The following VWA5B2 variants were observed in gnomAD, a reference collection of about 807,000 sequenced individuals.
The protein encoded by VWA5B2 is von Willebrand factor A domain containing 5B2, also known as von Willebrand factor A domain-containing protein 5B2.
VWA5B2 carries 93 observed loss-of-function variants against 118.5 expected under a neutral mutation model. The observed-to-expected ratio is 0.79, with a 90% CI of 0.66 to 0.93. VWA5B2 has a LOEUF of 0.93. Among genes scored for constraint, VWA5B2 ranks in the 40% least tolerant of loss-of-function variants. VWA5B2 has a pLI of 0.00. For missense variants in VWA5B2, 1,546 were observed against 1,672.8 expected (o/e 0.92, Z 1.32); for synonymous variants, 708 against 716.3 (o/e 0.99, Z 0.19).
chr3:184,233,808 G>A lies in VWA5B2; in HGVS notation c.688+75G>A, dbSNP rs1717669030. The A allele has an allele frequency of 6.6e-7, 1 of 1,518,582 alleles. No homozygotes were observed. Among genetic ancestry groups the A allele is most frequent in the South Asian group, 1.3e-5 (1 of 78,868 alleles). The allele number at this position is 1,518,582 out of a possible 1,614,324, so 94.1% of individuals were successfully genotyped here. On this transcript the variant is annotated intron_variant, in intron 5 of 19. Transcript: ENST00000691901. This position sits in a 1 kb window ranked among gnomAD's most constrained non-coding sequence, Gnocchi z 5.2. ...AGTGTAGTGACTGGAAGGGAAATAA[G>A]GCTCAGGGATAGGAGGGACACAGGA...
Position 184,236,340 on chromosome 3 carries a change from C to T in VWA5B2, c.1213-3C>T, listed in dbSNP as rs1560153662. The stretch of plus-strand genomic sequence containing the variant: ...CGTCCCAGCCTGTGCCTTCTCGCTC[C>T]AGGATGCTGTGCAGCTGATCTGCGA... On this transcript the variant is annotated splice_region_variant and splice_polypyrimidine_tract_variant and intron_variant, in intron 9 of 19. Coordinates refer to ENST00000691901, the MANE Select transcript of VWA5B2 (RefSeq NM_001390846.1). 1.3e-6 allele frequency: 2 copies of T among 1,548,540 alleles called. No homozygotes were observed. The highest frequency in any genetic ancestry group is 1.2e-5 in the South Asian group (1 of 83,990).
Position 184,230,485 on chromosome 3 carries a change from C to A in VWA5B2, c.-44C>A, listed in dbSNP as rs1717265798. 6 of 1,405,552 alleles carry A rather than the reference C, an allele frequency of 4.3e-6. No individual in the cohort carries two copies. Among genetic ancestry groups the A allele is most frequent in the Non-Finnish European group, 5.5e-6 (6 of 1,090,400 alleles). 87.1% of individuals were successfully genotyped at this position (1,405,552 alleles called of 1,614,324 possible). On this transcript the variant is annotated 5_prime_UTR_variant, in exon 2 of 20. Transcript: ENST00000691901. ...GGGTGGGCGTCCCGTCACCCTGCGC[C>A]CAGCTTCCCCGGCCCGTTCCCGCAG...
chr3:184,241,708 C>T lies in VWA5B2; in HGVS notation c.3399C>T (p.Gly1133=). The change falls in exon 20 of 20, where the codon GGC becomes GGT. Residue 1133 remains glycine (G), a synonymous_variant. Coordinates refer to ENST00000691901, the MANE Select transcript of VWA5B2 (RefSeq NM_001390846.1). This position sits in a 1 kb window ranked among gnomAD's most constrained non-coding sequence, Gnocchi z 5.1. ...TASCSPSPSS[G]SEGPGQVDSG... is the part of the protein sequence containing the mutation. ...CCTGCAGCCCGTCCCCCAGCTCGGGCTCTGAGGGGCCAGGCCAGGTGGACA... is the reference window on the plus strand; with the variant it reads ...CCTGCAGCCCGTCCCCCAGCTCGGGTTCTGAGGGGCCAGGCCAGGTGGACA... The T allele has an allele frequency of 6.6e-7, 1 of 1,509,086 alleles. No individual in the cohort carries two copies. Among genetic ancestry groups the T allele is most frequent in the South Asian group, 1.2e-5 (1 of 80,312 alleles). The allele number at this position is 1,509,086 out of a possible 1,614,324, so 93.5% of individuals were successfully genotyped here.
intron 7 of VWA5B2, 68 bp from the exon 8 acceptor site, chr3:184,235,085 C>T (rs915057655): frequency 3.5e-5 from 53 of 1,508,884 alleles, no homozygotes; most frequent in Non-Finnish European, 3.8e-5. Flanking sequence ...CAGAGCCAGT[C>T]CCACTGCCCA....
chr3:184,236,796 C>T (rs1405672275), intron 11 of VWA5B2, 47 bp downstream of exon 11: 2 of 1,423,278 alleles, frequency 1.4e-6, no homozygotes, highest in African/African-American at 1.4e-5. Flanking sequence ...AAGTTTTTCT[C>T]CCAAGTTACA....
At position 184,239,179 on chromosome 3, in the gene VWA5B2, A is replaced by G. The variant is rs1028310674; in HGVS notation, c.2203-215A>G. On this transcript the variant is annotated intron_variant, in intron 14 of 19. Coordinates refer to ENST00000691901, the MANE Select transcript of VWA5B2 (RefSeq NM_001390846.1). This position sits in a 1 kb window ranked among gnomAD's most constrained non-coding sequence, Gnocchi z 5.1. ...AACGAAAATACAGAGACAAGCAACA[A>G]CCACAAGTGGGAAATAGGGAGTGGA... Among the ~76,000 whole-genome samples, 4 of 152,168 alleles carry G rather than the reference A, an allele frequency of 2.6e-5. No individual in the cohort carries two copies. The highest frequency in any genetic ancestry group is 9.7e-5 in the African/African-American group (4 of 41,448).
chr3:184,235,407 T>A lies in VWA5B2; in HGVS notation c.1101+99T>A, dbSNP rs1414683398. 3.8e-6 allele frequency: 5 copies of A among 1,333,146 alleles called. No individual in the cohort carries two copies. The African/African-American group carries it at 7.3e-5, about 20-fold the overall frequency. 82.6% of individuals were successfully genotyped at this position (1,333,146 alleles called of 1,614,324 possible). On this transcript the variant is annotated intron_variant, in intron 8 of 19. Coordinates refer to ENST00000691901, the MANE Select transcript of VWA5B2 (RefSeq NM_001390846.1). ...CTCTTGAAGCCAGGAGTTACCTTGT[T>A]GCTTCAAACACCATCTTCCAAAGAG... is the stretch of plus-strand genomic sequence containing the variant.
intron 7 of VWA5B2, 107 bp from the exon 8 acceptor site, chr3:184,235,046 C>T: frequency 1.5e-6 from 2 of 1,368,064 alleles, no homozygotes; most frequent in South Asian, 1.4e-5. Context: ...AAGATGTCCC[C>T]TCTGGGTGGA....
chr3:184,237,091 A>T lies in VWA5B2; in HGVS notation c.1534-135A>T. The T allele has an allele frequency of 1.0e-6, 1 of 977,484 alleles. No individual in the cohort carries two copies. The highest frequency in any genetic ancestry group is 1.5e-6 in the Non-Finnish European group (1 of 670,178). The allele number at this position is 977,484 out of a possible 1,614,324, so 60.6% of individuals were successfully genotyped here. A position where few individuals can be genotyped will look rare whatever the true frequency, so the allele number is the denominator to read the frequency against. ...GCTCCTACCCTCATTCCTTCTCCTG[A>T]CCCCAGCCTGGCCCTGTGCCCCATC... On this transcript the variant is annotated intron_variant, in intron 11 of 19. Coordinates refer to ENST00000691901, the MANE Select transcript of VWA5B2 (RefSeq NM_001390846.1). The surrounding 1 kb of genome is among the most constrained non-coding windows in gnomAD (Gnocchi z 5.6).
Position 184,233,708 on chromosome 3 carries a change from G to A in VWA5B2, c.663G>A (p.Leu221=), listed in dbSNP as rs1037076928. 2.6e-6 allele frequency: 4 copies of A among 1,550,842 alleles called. No homozygotes were observed. Among genetic ancestry groups the A allele is most frequent in the Non-Finnish European group, 3.5e-6 (4 of 1,146,998 alleles). ...CATATACCTTCTCCTTCGAGATGCTGGTGACTGGGCCATGCCTGCTTGCAG... is the reference window on the plus strand; with the variant it reads ...CATATACCTTCTCCTTCGAGATGCTAGTGACTGGGCCATGCCTGCTTGCAG... ...PAPYTFSFEM[L]VTGPCLLAGL... Residue 221 remains leucine, a synonymous_variant, in exon 5 of 20, where the codon CTG becomes CTA. Coordinates refer to ENST00000691901, the MANE Select transcript of VWA5B2 (RefSeq NM_001390846.1). This position sits in a 1 kb window ranked among gnomAD's most constrained non-coding sequence, Gnocchi z 5.2.
At chr3:184,231,992 T>C (rs567916400) in intron 3 of VWA5B2, among the ~76,000 whole-genome samples, 3 of 152,312 alleles carry the variant, frequency 2.0e-5, no homozygotes, top group Admixed American at 1.3e-4. Flanking sequence ...GGCAACAGTA[T>C]AAGCAAATGC....
At position 184,239,582 on chromosome 3, in the gene VWA5B2, A is replaced by G; in HGVS notation, c.2391A>G (p.Ser797=). 9 of 1,513,864 alleles carry G rather than the reference A, an allele frequency of 5.9e-6. No homozygotes were observed. The highest frequency in any genetic ancestry group is 1.7e-4 in the Middle Eastern group (1 of 5,822). The allele number at this position is 1,513,864 out of a possible 1,614,324, so 93.8% of individuals were successfully genotyped here. The part of the protein sequence containing the change: ...GQQLGQGLDD[S]GNLLSPAPMD... ...AGTTGGGACAAGGCCTGGATGACTC[A>G]GGTAAGTGTTGGATGGGGAGCTGGT... Residue 797 remains serine, a splice_region_variant and synonymous_variant, in exon 15 of 20, where the codon TCA becomes TCG. Coordinates refer to ENST00000691901, the MANE Select transcript of VWA5B2 (RefSeq NM_001390846.1). The surrounding 1 kb of genome is among the most constrained non-coding windows in gnomAD (Gnocchi z 5.1).
chr3:184,231,903 C>G (rs942735024), intron 3 of VWA5B2, among the ~76,000 whole-genome samples: 1 of 152,124 alleles, frequency 6.6e-6, no homozygotes, highest in African/African-American at 2.4e-5. Flanking sequence ...TGGGCTGAGG[C>G]CCCAGGAATG....
Position 184,230,565 on chromosome 3 carries a change from C to A in VWA5B2, c.37C>A (p.Leu13Met). 1 of 1,480,216 alleles carries A rather than the reference C, an allele frequency of 6.8e-7. No homozygotes were observed. Among genetic ancestry groups the A allele is most frequent in the Non-Finnish European group, 8.9e-7 (1 of 1,123,426 alleles). 91.7% of individuals were successfully genotyped at this position (1,480,216 alleles called of 1,614,324 possible). ...GLYCPSSWTP[L>M]PLTDSWVRAC... ...GTACTGCCCCTCCAGCTGGACGCCG[C>A]TGCCGCTCACGGACTCCTGGGTCCG... The change falls in exon 2 of 20, where the codon CTG becomes ATG. Residue 13 changes from leucine (L) to methionine (M), a missense_variant. By Grantham distance (15) the Leu-to-Met change is conservative. Coordinates refer to ENST00000691901, the MANE Select transcript of VWA5B2 (RefSeq NM_001390846.1).
rs1468229019 is a variant in VWA5B2, at chr3:184,230,629, G to A, written c.101G>A (p.Arg34Gln). Residue 34 changes from arginine (R) to glutamine (Q), a missense_variant, in exon 2 of 20, where the codon CGG becomes CAG. Arg to Gln is a conservative substitution (Grantham distance 43). Around this residue, in one of 3 missense-constraint regions of VWA5B2, gnomAD observed 775 missense variants for 882.3 expected, o/e 0.88. Coordinates refer to ENST00000691901, the MANE Select transcript of VWA5B2 (RefSeq NM_001390846.1). ...ANGPCLSVRA[R>Q]LTYRNPQPQP... is the part of the protein sequence containing the mutation. ...GGCCCCTGCCTCAGCGTGCGGGCCC[G>A]GCTCACCTACCGCAACCCGCAGCCG... The A allele has an allele frequency of 1.4e-6, 2 of 1,400,992 alleles. No homozygotes were observed. Among genetic ancestry groups the A allele is most frequent in the East Asian group, 6.2e-5 (2 of 32,456 alleles). 86.8% of individuals were successfully genotyped at this position (1,400,992 alleles called of 1,614,324 possible).
chr3:184,236,296 G>C (rs546600350), intron 9 of VWA5B2, 34 bp downstream of exon 9: 1 of 1,551,596 alleles, frequency 6.4e-7, no homozygotes, highest in East Asian at 2.4e-5. Context: ...GGGCCTTACA[G>C]AGAGGTTTCA....
Position 184,233,771 on chromosome 3 carries a change from C to G in VWA5B2, c.688+38C>G. On this transcript the variant is annotated intron_variant, in intron 5 of 19. Coordinates refer to ENST00000691901, the MANE Select transcript of VWA5B2 (RefSeq NM_001390846.1). This position sits in a 1 kb window ranked among gnomAD's most constrained non-coding sequence, Gnocchi z 5.2. ...GGCTGGCCTGCCCTCTTTTCAGATG[C>G]CCACTCCACCCAGTGTAGTGACTGG... is the stretch of plus-strand genomic sequence containing the variant. 6.5e-7 allele frequency: 1 copy of G among 1,544,562 alleles called. No homozygotes were observed. The highest frequency in any genetic ancestry group is 8.7e-7 in the Non-Finnish European group (1 of 1,144,474).
At chr3:184,234,574 G>A in intron 6 of VWA5B2, 57 bp from the exon 7 acceptor site, 1 of 1,539,074 alleles carries the variant, frequency 6.5e-7, no homozygotes, top group Non-Finnish European at 8.8e-7. Context: ...GTGAAACTGG[G>A]CACTTGGGGT....
At position 184,233,505 on chromosome 3, in the gene VWA5B2, TG is replaced by T; in HGVS notation, c.531-67del. The stretch of plus-strand genomic sequence containing the variant: ...AGGGATGGGAAGGGTGAGGAAGGGC[TG>T]GGGCCAGTCAGCCGGAGGGTTTAGG... On this transcript the variant is annotated intron_variant, in intron 4 of 19. Coordinates refer to ENST00000691901, the MANE Select transcript of VWA5B2 (RefSeq NM_001390846.1). This position sits in a 1 kb window ranked among gnomAD's most constrained non-coding sequence, Gnocchi z 5.2. 6.6e-7 allele frequency: 1 copy of T among 1,518,390 alleles called. No homozygotes were observed. Among genetic ancestry groups the T allele is most frequent in the South Asian group, 1.3e-5 (1 of 78,196 alleles). 94.1% of individuals were successfully genotyped at this position (1,518,390 alleles called of 1,614,324 possible).
Sources: allele counts gnomAD v4.1 joint callset (sites outside exome capture counted in the v4.1 genomes callset), GRCh38; gene constraint gnomAD v4.1.1; regional missense constraint gnomAD v4.1.1; non-coding constraint Gnocchi (gnomAD v3.1); transcripts MANE v1.5; gene names NCBI Gene and HGNC (gene_info 2026-07-23, HGNC 2026-07-21).